The following EIF4G3 variants were observed in gnomAD, a reference collection of about 807,000 sequenced individuals.
EIF4G3 encodes eukaryotic translation initiation factor 4 gamma 3, also known as eIF-4-gamma 3.
Under a neutral mutation model 186.4 loss-of-function variants are expected in EIF4G3, and 34 were observed. The ratio of observed to expected loss-of-function variants is 0.18; its 90% CI spans 0.14 to 0.24. The LOEUF (loss-of-function observed/expected upper bound fraction) is 0.24, where lower values mean the gene tolerates loss of function less well. EIF4G3 is among the 10% of genes least tolerant of loss of function. EIF4G3 has a pLI of 1.00. For synonymous variants in EIF4G3, 673 were observed against 679.5 expected (o/e 0.99, Z 0.15); for missense variants, 1,536 against 1,948.5 (o/e 0.79, Z 3.99).
intron 6 of EIF4G3, among the ~76,000 whole-genome samples, chr1:20,999,095 G>C (rs1218725962): frequency 6.6e-6 from 1 of 152,118 alleles, no homozygotes; most frequent in African/African-American, 2.4e-5. Flanking sequence ...CACAATGTAG[G>C]AGACAGCTGA....
chr1:21,077,268 C>T (rs1356532291), intron 3 of EIF4G3, among the ~76,000 whole-genome samples: 2 of 151,742 alleles, frequency 1.3e-5, no homozygotes, highest in African/African-American at 4.8e-5. Context: ...GGTATGGAGG[C>T]AGCATGCTTG....
intron 2 of EIF4G3, among the ~76,000 whole-genome samples, chr1:21,141,270 T>C (rs1164616460): frequency 6.6e-6 from 1 of 152,144 alleles, no homozygotes; most frequent in African/African-American, 2.4e-5. Context: ...TTCTGTGCCA[T>C]GTTACAGAAG....
chr1:21,174,916 G>A (rs372922311), intron 2 of EIF4G3, among the ~76,000 whole-genome samples: 88 of 152,258 alleles, frequency 5.8e-4, no homozygotes, highest in African/African-American at 2.1e-3. Flanking sequence ...ACACTTGGCA[G>A]AAAACAAACA....
intron 22 of EIF4G3, among the ~76,000 whole-genome samples, chr1:20,863,922 C>T (rs974778637): frequency 7.9e-5 from 12 of 152,148 alleles, no homozygotes; most frequent in African/African-American, 2.7e-4. Context: ...AAGTAAACCT[C>T]AATCTTGTAT....
chr1:20,966,491 T>C (rs1485030262), intron 12 of EIF4G3, among the ~76,000 whole-genome samples: 6 of 151,770 alleles, frequency 4.0e-5, no homozygotes, highest in Admixed American at 3.9e-4. Flanking sequence ...TTTTTTTTTT[T>C]GAGACACAGT....
rs71014161 is a variant in EIF4G3 at position 21,151,236 on chromosome 1, C to CT, written c.-272+24938dup. Among the ~76,000 whole-genome samples, 44 of 80,430 alleles carry CT rather than the reference C, an allele frequency of 5.5e-4. 4 individuals carry two copies. The highest frequency in any genetic ancestry group is 2.0e-3 in the African/African-American group (42 of 20,790). The allele number at this position is 80,430 out of a possible 152,430, so 52.8% of individuals were successfully genotyped here. A position where few individuals can be genotyped will look rare whatever the true frequency, so the allele number is the denominator to read the frequency against. On this transcript the variant is annotated intron_variant, in intron 2 of 36. Transcript: ENST00000602326. ...TTTAATGGTTATATAGTATTTCTTT[C>CT]TTTTTTTTTTTTTTTTTTTTGAGAT...
intron 35 of EIF4G3, among the ~76,000 whole-genome samples, chr1:20,811,730 A>G (rs1296955519): frequency 1.3e-5 from 2 of 152,248 alleles, no homozygotes; most frequent in African/African-American, 2.4e-5. Flanking sequence ...ATTTGATTCA[A>G]TCATTCCACA....
intron 14 of EIF4G3, among the ~76,000 whole-genome samples, chr1:20,910,974 T>C (rs182309509): frequency 1.5e-4 from 23 of 152,346 alleles, no homozygotes; most frequent in Admixed American, 1.3e-3. Context: ...AATTTTAAAT[T>C]GGGAGAAATA....
intron 2 of EIF4G3, among the ~76,000 whole-genome samples, chr1:21,149,959 C>T (rs980665639): frequency 8.5e-5 from 13 of 152,230 alleles, no homozygotes; most frequent in African/African-American, 3.1e-4. Flanking sequence ...TCTTCTACTG[C>T]AGAGAATGGG....
intron 16 of EIF4G3, among the ~76,000 whole-genome samples, chr1:20,896,953 T>C (rs143517043): frequency 8.5e-5 from 13 of 152,328 alleles, no homozygotes; most frequent in African/African-American, 3.1e-4. Context: ...CTAGAACATC[T>C]AGGTTTGTGC....
intron 4 of EIF4G3, among the ~76,000 whole-genome samples, chr1:21,024,324 G>C (rs546453814): frequency 6.6e-6 from 1 of 151,304 alleles, no homozygotes; most frequent in Non-Finnish European, 1.5e-5. Context: ...CCGGCCAGCC[G>C]CCCCGACCGT....
intron 2 of EIF4G3, among the ~76,000 whole-genome samples, chr1:21,128,067 C>T (rs1442971047): frequency 5.9e-5 from 9 of 151,624 alleles, no homozygotes; most frequent in Admixed American, 4.6e-4. Flanking sequence ...ATTAGCCGGG[C>T]GTGGTGGCGG....
At chr1:20,860,204 C>T (rs1183922240) in intron 24 of EIF4G3, among the ~76,000 whole-genome samples, 181 bp downstream of exon 24, 2 of 152,148 alleles carry the variant, frequency 1.3e-5, no homozygotes, top group African/African-American at 4.8e-5. Context: ...ATGCTTTGTT[C>T]CTGCATTCTC....
chr1:21,051,452 G>C (rs930322453), intron 3 of EIF4G3, among the ~76,000 whole-genome samples: 2 of 152,060 alleles, frequency 1.3e-5, no homozygotes, highest in African/African-American at 4.8e-5. Flanking sequence ...AAGACTTATG[G>C]ACGTATACAC....
chr1:21,169,124 C>T (rs1025392542), intron 2 of EIF4G3, among the ~76,000 whole-genome samples: 6 of 151,782 alleles, frequency 4.0e-5, no homozygotes, highest in Admixed American at 2.0e-4. Context: ...TGAGCCATGA[C>T]CATGCCCTGG....
In EIF4G3 at chr1:20,810,763, C is replaced by T. The variant is rs775026555; in HGVS notation, c.4719G>A (p.Ser1573=). Residue 1573 remains serine, a synonymous_variant, in exon 36 of 37, where the codon TCG becomes TCA. Transcript: ENST00000602326. This position sits in a 1 kb window ranked among gnomAD's most constrained non-coding sequence, Gnocchi z 4.1. ...ELQALYALQA[S]IVKLDQPANL... ...TGGCAGGTTGATCAAGTTTTACTAT[C>T]GATGCTTGTAGTGCATAAAGTGCTT... The T allele has an allele frequency of 4.3e-6, 7 of 1,613,910 alleles. No homozygotes were observed. The highest frequency in any genetic ancestry group is 1.7e-5 in the Admixed American group (1 of 60,012).
intron 2 of EIF4G3, among the ~76,000 whole-genome samples, chr1:21,150,868 C>T (rs906053226): frequency 2.6e-5 from 4 of 152,060 alleles, no homozygotes. Context: ...CCCAGCTACT[C>T]GGGAGGCTGA....
chr1:20,926,496 T>G (rs770423045), intron 14 of EIF4G3, among the ~76,000 whole-genome samples: 1 of 152,070 alleles, frequency 6.6e-6, no homozygotes, highest in Non-Finnish European at 1.5e-5. Context: ...CTGGGCAATA[T>G]GGCGAGACTC....
At chr1:21,131,923 G>T (rs1456309540) in intron 2 of EIF4G3, among the ~76,000 whole-genome samples, 1 of 151,924 alleles carries the variant, frequency 6.6e-6, no homozygotes, top group Non-Finnish European at 1.5e-5. Flanking sequence ...AGTAAGCCAT[G>T]ATCATACTAC....
Sources: allele counts gnomAD v4.1 joint callset (sites outside exome capture counted in the v4.1 genomes callset), GRCh38; gene constraint gnomAD v4.1.1; non-coding constraint Gnocchi (gnomAD v3.1); transcripts MANE v1.5; gene names NCBI Gene and HGNC (gene_info 2026-07-23, HGNC 2026-07-21).